The following LAMA2 variants were observed in gnomAD, a reference collection of about 807,000 sequenced individuals.
LAMA2 encodes laminin subunit alpha 2, also known as laminin subunit alpha-2.
Under a neutral mutation model 364.8 loss-of-function variants are expected in LAMA2, and 269 were observed. The ratio of observed to expected loss-of-function variants is 0.74; its 90% CI spans 0.67 to 0.82. LAMA2 has a LOEUF of 0.82. Ranked by LOEUF, LAMA2 falls within the 40% of genes least tolerant of loss-of-function variation. The pLI is 0.00. For synonymous variants in LAMA2, 1,379 were observed against 1,370.6 expected (o/e 1.01, Z -0.14); for missense variants, 3,807 against 3,873.2 (o/e 0.98, Z 0.45).
At chr6:129,016,994 C>T (rs992637941) in intron 1 of LAMA2, among the ~76,000 whole-genome samples, 3 of 151,866 alleles carry the variant, frequency 2.0e-5, no homozygotes, top group Middle Eastern at 3.4e-3. Flanking sequence ...ATGTTCAAAT[C>T]GTATATACAG....
chr6:129,422,029 A>G (rs571188052), intron 40 of LAMA2, among the ~76,000 whole-genome samples: 2 of 152,040 alleles, frequency 1.3e-5, no homozygotes, highest in East Asian at 1.9e-4. Flanking sequence ...CGCACATTCA[A>G]ACCTTCCAGA....
intron 12 of LAMA2, among the ~76,000 whole-genome samples, chr6:129,205,897 C>A (rs189796291): frequency 1.3e-5 from 2 of 151,888 alleles, no homozygotes; most frequent in South Asian, 2.1e-4. Context: ...GTGGTGTGTG[C>A]ATGTAGTCCC....
intron 8 of LAMA2, among the ~76,000 whole-genome samples, chr6:129,163,847 T>A (rs1265685526): frequency 6.6e-6 from 1 of 152,192 alleles, no homozygotes; most frequent in Non-Finnish European, 1.5e-5. Flanking sequence ...ATTTTACTTT[T>A]CAGCTTTCTG....
intron 20 of LAMA2, among the ~76,000 whole-genome samples, chr6:129,294,316 A>G (rs964997238): frequency 6.6e-6 from 1 of 152,224 alleles, no homozygotes; most frequent in Non-Finnish European, 1.5e-5. Context: ...TAATTCATTC[A>G]GAGTGCTATA....
intron 62 of LAMA2, among the ~76,000 whole-genome samples, chr6:129,511,185 A>T (rs971060476): frequency 1.3e-5 from 2 of 152,142 alleles, no homozygotes; most frequent in South Asian, 4.1e-4. Context: ...AGATCACTTC[A>T]CTGGAAAACA....
rs10652900 is a variant in LAMA2, at chr6:128,957,836, ATTTTTTTTTTT to A, written c.112+74492_112+74502del. Among the ~76,000 whole-genome samples, 19 of 51,268 alleles carry A rather than the reference ATTTTTTTTTTT, an allele frequency of 3.7e-4. No homozygotes were observed. The South Asian group carries it at 0.017, about 45-fold the overall frequency. The allele number at this position is 51,268 out of a possible 152,430, so 33.6% of individuals were successfully genotyped here. On this transcript the variant is annotated intron_variant, in intron 1 of 64. Coordinates refer to ENST00000421865, the MANE Select transcript of LAMA2 (RefSeq NM_000426.4). ...CTTCCCAGGCTGTACTACTTCATGC[ATTTTTTTTTTT>A]TTTTTTTTTTTTGCCTATTGTATTT...
chr6:129,455,197 A>C (rs1374930627), intron 47 of LAMA2, among the ~76,000 whole-genome samples: 1 of 152,188 alleles, frequency 6.6e-6, no homozygotes, highest in South Asian at 2.1e-4. Context: ...ATGCCTGTGA[A>C]TAACCACTGC....
chr6:129,025,584 C>T (rs1785754557), intron 1 of LAMA2, among the ~76,000 whole-genome samples: 1 of 152,038 alleles, frequency 6.6e-6, no homozygotes, highest in Admixed American at 6.6e-5. Flanking sequence ...AGAAAAGAGA[C>T]AAACCATATC....
At chr6:128,963,293 T>C (rs1562875140) in intron 1 of LAMA2, among the ~76,000 whole-genome samples, 1 of 152,170 alleles carries the variant, frequency 6.6e-6, no homozygotes, top group Non-Finnish European at 1.5e-5. Context: ...TGATGGTGCA[T>C]GTTGGAGACA....
intron 1 of LAMA2, among the ~76,000 whole-genome samples, chr6:128,927,116 A>G (rs1459262277): frequency 6.6e-6 from 1 of 152,186 alleles, no homozygotes; most frequent in Non-Finnish European, 1.5e-5. Flanking sequence ...TGGTATCCAT[A>G]GCTGATATTT....
At chr6:129,500,205 A>T (rs910386583) in intron 58 of LAMA2, among the ~76,000 whole-genome samples, 1 of 152,202 alleles carries the variant, frequency 6.6e-6, no homozygotes, top group African/African-American at 2.4e-5. Context: ...ATCCTAAGGT[A>T]CATATTTTTA....
intron 1 of LAMA2, among the ~76,000 whole-genome samples, chr6:128,989,708 A>G (rs1210472612): frequency 6.6e-6 from 1 of 152,248 alleles, no homozygotes; most frequent in African/African-American, 2.4e-5. Context: ...GAATAGAACT[A>G]AGAATAGTTA....
At chr6:129,034,077 A>G (rs962474656) in intron 1 of LAMA2, among the ~76,000 whole-genome samples, 7 of 152,182 alleles carry the variant, frequency 4.6e-5, no homozygotes, top group Admixed American at 2.0e-4. Context: ...ACCCCTAGAT[A>G]GTAAGTACTC....
intron 34 of LAMA2, among the ~76,000 whole-genome samples, chr6:129,382,637 C>G (rs186757727): frequency 2.4e-4 from 37 of 152,268 alleles, no homozygotes; most frequent in Admixed American, 1.2e-3. Flanking sequence ...GCATTTCTCC[C>G]TCTTTGTTTC....
intron 30 of LAMA2, among the ~76,000 whole-genome samples, chr6:129,348,185 CGTTTGTGA>C (rs1454411916): frequency 6.6e-6 from 1 of 152,072 alleles, no homozygotes; most frequent in African/African-American, 2.4e-5. Context: ...TTGGATAATG[CGTTTGTGA>C]GTAGTAGATC....
intron 1 of LAMA2, among the ~76,000 whole-genome samples, chr6:128,895,386 A>C (rs1776706490): frequency 6.8e-6 from 1 of 146,660 alleles, no homozygotes; most frequent in South Asian, 2.2e-4. Flanking sequence ...TAATCCCAGC[A>C]CTTTGGGAGG....
At chr6:128,883,789 T>TAC (rs1194550604) in intron 1 of LAMA2, among the ~76,000 whole-genome samples, 1 of 123,948 alleles carries the variant, frequency 8.1e-6, no homozygotes, top group Non-Finnish European at 1.6e-5. Context: ...AAAAAAATTA[T>TAC]ATATATATAT....
chr6:129,342,575 T>C (rs1223560108), intron 30 of LAMA2, 108 bp downstream of exon 30: 2 of 1,032,004 alleles, frequency 1.9e-6, no homozygotes, highest in East Asian at 2.6e-5. Context: ...AAATCTCAAT[T>C]TAAGATAGAG....
chr6:129,159,007 G>C (rs1779298642), intron 8 of LAMA2: 1 of 1,586,188 alleles, frequency 6.3e-7, no homozygotes. Flanking sequence ...TCTGGTCGGA[G>C]TCTGATTTCA....
Sources: gnomAD v4.1 joint callset for allele counts (sites outside exome capture counted in the v4.1 genomes callset) on GRCh38, gnomAD v4.1.1 for gene constraint, MANE v1.5 for transcripts, NCBI Gene and HGNC (gene_info 2026-07-23, HGNC 2026-07-21) for gene names.